The following ADARB1 variants were observed in gnomAD, a reference collection of about 807,000 sequenced individuals.
The protein encoded by ADARB1 is adenosine deaminase RNA specific B1, also known as double-stranded RNA-specific editase 1.
Under a neutral mutation model 52.4 loss-of-function variants are expected in ADARB1, and 10 were observed. The ratio of observed to expected loss-of-function variants is 0.19; its 90% CI spans 0.12 to 0.32. The LOEUF (loss-of-function observed/expected upper bound fraction) is 0.32. Among genes scored for constraint, ADARB1 ranks in the 10% least tolerant of loss-of-function variants. The probability of loss-of-function intolerance (pLI) is 1.00; values close to 1 mark genes in which losing one functional copy is unlikely to be tolerated. For missense variants in ADARB1, 643 were observed against 922.3 expected (o/e 0.70, Z 3.92); for synonymous variants, 349 against 371.1 (o/e 0.94, Z 0.68).
intron 2 of ADARB1, among the ~76,000 whole-genome samples, chr21:45,166,868 A>G (rs2091271936): frequency 2.4e-5 from 2 of 84,944 alleles, no homozygotes; most frequent in South Asian, 1.0e-3. Flanking sequence ...GAATATTGCT[A>G]TCAAATAAGT....
At chr21:45,126,282 G>A (rs977088757) in intron 1 of ADARB1, among the ~76,000 whole-genome samples, 1 of 152,158 alleles carries the variant, frequency 6.6e-6, no homozygotes, top group Non-Finnish European at 1.5e-5. Flanking sequence ...GAGCTGATGT[G>A]TGATGCACTG....
At chr21:45,205,860 G>A (rs1171964803) in intron 9 of ADARB1, among the ~76,000 whole-genome samples, 1 of 152,174 alleles carries the variant, frequency 6.6e-6, no homozygotes, top group Non-Finnish European at 1.5e-5. Flanking sequence ...GTGTGTGCTT[G>A]TGTTTGTGCT....
chr21:45,139,144 C>T (rs2089562339), intron 2 of ADARB1, among the ~76,000 whole-genome samples: 1 of 152,122 alleles, frequency 6.6e-6, no homozygotes. Context: ...TGGTCTTGAA[C>T]TCCTGGGCTC....
intron 2 of ADARB1, among the ~76,000 whole-genome samples, chr21:45,151,054 C>A (rs1436204164): frequency 6.6e-6 from 1 of 152,132 alleles, no homozygotes; most frequent in Non-Finnish European, 1.5e-5. Context: ...AGCCAACCAG[C>A]AGAACAAATA....
intron 2 of ADARB1, among the ~76,000 whole-genome samples, chr21:45,149,207 G>T (rs1010124425): frequency 1.3e-5 from 2 of 152,170 alleles, no homozygotes; most frequent in African/African-American, 2.4e-5. Flanking sequence ...CTCTCGGCAG[G>T]CTCCACACTT....
Position 45,204,776 on chromosome 21 carries a change from G to C in ADARB1, c.1747+40G>C. On this transcript the variant is annotated intron_variant, in intron 9 of 10. Transcript: ENST00000348831. The surrounding 1 kb of genome is among the most constrained non-coding windows in gnomAD (Gnocchi z 4.4). Reference sequence around the variant, plus strand: ...AGTGTGCTGATTTAATCTCTGTCTTGATTTTGCAATGTTTTCATCCTCATG... The same window carrying C: ...AGTGTGCTGATTTAATCTCTGTCTTCATTTTGCAATGTTTTCATCCTCATG... The C allele has an allele frequency of 6.3e-7, 1 of 1,594,218 alleles. No individual in the cohort carries two copies. Among genetic ancestry groups the C allele is most frequent in the Non-Finnish European group, 8.6e-7 (1 of 1,166,806 alleles).
intron 2 of ADARB1, among the ~76,000 whole-genome samples, chr21:45,131,351 C>T (rs1360097675): frequency 6.6e-6 from 1 of 152,194 alleles, no homozygotes; most frequent in African/African-American, 2.4e-5. Context: ...TCAGTCTTCC[C>T]TGTCTCTAGG....
At chr21:45,077,397 G>A (rs1048079629) in intron 1 of ADARB1, among the ~76,000 whole-genome samples, 2 of 152,216 alleles carry the variant, frequency 1.3e-5, no homozygotes, top group African/African-American at 4.8e-5. Flanking sequence ...CGGGCGCGGT[G>A]GCTCACGCCT....
chr21:45,156,967 C>T (rs1455372881), intron 2 of ADARB1, among the ~76,000 whole-genome samples: 1 of 152,226 alleles, frequency 6.6e-6, no homozygotes, highest in Non-Finnish European at 1.5e-5. Flanking sequence ...ACACCATTCT[C>T]TAGCAGTGTC....
intron 8 of ADARB1, among the ~76,000 whole-genome samples, chr21:45,187,995 G>T (rs972989160): frequency 6.6e-6 from 1 of 152,102 alleles, no homozygotes; most frequent in African/African-American, 2.4e-5. Flanking sequence ...GGTACTGCTG[G>T]CATCATAGAG....
Position 45,178,146 on chromosome 21 carries a change from C to A in ADARB1, c.963+1482C>A, listed in dbSNP as rs539945304. On this transcript the variant is annotated intron_variant, in intron 4 of 10. Coordinates refer to ENST00000348831, the MANE Select transcript of ADARB1 (RefSeq NM_001112.4). Reference sequence around the variant, plus strand: ...TGCCGTGGATCCCAGATGTCTGAACCTTCAGTGTGTAGGCTAGGAGCACCT... The same window carrying A: ...TGCCGTGGATCCCAGATGTCTGAACATTCAGTGTGTAGGCTAGGAGCACCT... 3.9e-5 allele frequency among the ~76,000 whole-genome samples: 6 copies of A among 152,308 alleles called. No homozygotes were observed. The East Asian group carries it at 1.2e-3, about 29-fold the overall frequency.
intron 7 of ADARB1, among the ~76,000 whole-genome samples, chr21:45,183,920 C>T (rs2092010302): frequency 6.6e-6 from 1 of 152,178 alleles, no homozygotes; most frequent in South Asian, 2.1e-4. Context: ...AGTGAAACCA[C>T]TATTGTGATC....
intron 2 of ADARB1, among the ~76,000 whole-genome samples, chr21:45,162,123 A>G (rs2091004453): frequency 1.3e-5 from 2 of 152,174 alleles, no homozygotes; most frequent in African/African-American, 4.8e-5. Context: ...GGAGAGAAGG[A>G]GAGAAGAGCT....
chr21:45,205,461 G>A lies in ADARB1; in HGVS notation c.1747+725G>A, dbSNP rs892963202. On this transcript the variant is annotated intron_variant, in intron 9 of 10. Coordinates refer to ENST00000348831, the MANE Select transcript of ADARB1 (RefSeq NM_001112.4). ...TGAGCCAGGTCTCCGGGACGTTTAC[G>A]CTGTCTTAGAGCCACCAGGGTGTCC... 3.3e-5 allele frequency among the ~76,000 whole-genome samples: 5 copies of A among 152,088 alleles called. No homozygotes were observed. The South Asian group carries it at 8.3e-4, about 25-fold the overall frequency.
rs1353714097 is a variant in ADARB1 at position 45,223,004 on chromosome 21, C to T, written c.*807C>T. 1 of 985,336 alleles carries T rather than the reference C, an allele frequency of 1.0e-6. No individual in the cohort carries two copies. The highest frequency in any genetic ancestry group is 1.7e-5 in the African/African-American group (1 of 57,256). The allele number at this position is 985,336 out of a possible 1,614,324, so 61.0% of individuals were successfully genotyped here. ...TACTTCTAAGTAATCACAGATAATA[C>T]ATGGCCAGTAATCCCAGGCTGGCCA... is the stretch of plus-strand genomic sequence containing the variant. On this transcript the variant is annotated 3_prime_UTR_variant, in exon 11 of 11. Transcript: ENST00000348831.
intron 1 of ADARB1, among the ~76,000 whole-genome samples, chr21:45,094,330 G>A (rs141826880): frequency 2.6e-5 from 4 of 152,252 alleles, no homozygotes; most frequent in African/African-American, 9.6e-5. Context: ...TGGCTTCCCA[G>A]GTACTGTCAG....
chr21:45,075,442 G>T (rs2085889165), intron 1 of ADARB1, among the ~76,000 whole-genome samples: 1 of 152,014 alleles, frequency 6.6e-6, no homozygotes, highest in Non-Finnish European at 1.5e-5. Context: ...ACGAGTCTGC[G>T]CCCTGGACGG....
intron 9 of ADARB1, among the ~76,000 whole-genome samples, chr21:45,217,013 C>G (rs1178955226): frequency 6.6e-6 from 1 of 151,684 alleles, no homozygotes; most frequent in Non-Finnish European, 1.5e-5. Context: ...TTAATATAAC[C>G]TCCTCAACTT....
chr21:45,131,914 G>A (rs574847051), intron 2 of ADARB1, among the ~76,000 whole-genome samples: 13 of 152,328 alleles, frequency 8.5e-5, no homozygotes, highest in East Asian at 3.9e-4. Flanking sequence ...AAGCCTCTGC[G>A]GGGCTCTTCT....
Sources: gnomAD v4.1 joint callset for allele counts (sites outside exome capture counted in the v4.1 genomes callset) on GRCh38, gnomAD v4.1.1 for gene constraint, Gnocchi (gnomAD v3.1) non-coding constraint, MANE v1.5 for transcripts, NCBI Gene and HGNC (gene_info 2026-07-23, HGNC 2026-07-21) for gene names.